LPIN2: variants seen among roughly 807,000 people sequenced by gnomAD.
LPIN2 encodes the protein phosphatidate phosphatase LPIN2.
A neutral mutation model predicts 111.4 loss-of-function variants in LPIN2; 55 were observed. The ratio of observed to expected loss-of-function variants is 0.49; its 90% confidence interval spans 0.40 to 0.62. LPIN2 has a LOEUF of 0.62. LPIN2 is among the 20% of genes least tolerant of loss of function. The pLI is 0.00. For synonymous variants in LPIN2, 425 were observed against 414.0 expected (o/e 1.03, Z -0.32); for missense variants, 992 against 1,112.1 (o/e 0.89, Z 1.54).
chr18:2,929,861 G>A (rs1598529866), intron 9 of LPIN2, among the ~76,000 whole-genome samples: 1 of 152,316 alleles, frequency 6.6e-6, no homozygotes, highest in African/African-American at 2.4e-5. Context: ...AGTGAGCTGA[G>A]ATGGTGCCAC....
chr18:2,964,282 C>CAAAAAAA (rs56276815), intron 1 of LPIN2, among the ~76,000 whole-genome samples: 85 of 56,380 alleles, frequency 1.5e-3, no homozygotes, highest in Middle Eastern at 0.012. Flanking sequence ...GACTCCGTCT[C>CAAAAAAA]AAAAAAAAAA....
chr18:2,946,097 C>A, intron 4 of LPIN2: 1 of 1,553,718 alleles, frequency 6.4e-7, no homozygotes. Context: ...TTAATTTCAT[C>A]ATTGTCTTCT....
intron 1 of LPIN2, among the ~76,000 whole-genome samples, chr18:3,009,799 T>TA (rs2143514036): frequency 6.6e-6 from 1 of 152,328 alleles, no homozygotes; most frequent in African/African-American, 2.4e-5. Flanking sequence ...ATCACCGAAA[T>TA]ACAACATTCA....
At chr18:3,002,568 T>G (rs1371300199) in intron 1 of LPIN2, among the ~76,000 whole-genome samples, 2 of 152,186 alleles carry the variant, frequency 1.3e-5, no homozygotes, top group Non-Finnish European at 2.9e-5. Context: ...GATGAAATGA[T>G]GGAAAAATCT....
chr18:3,004,640 A>C (rs549147322), intron 1 of LPIN2, among the ~76,000 whole-genome samples: 3 of 152,316 alleles, frequency 2.0e-5, no homozygotes, highest in East Asian at 3.9e-4. Context: ...TCCTTGAAGA[A>C]GGCACCATGT....
At chr18:2,994,934 C>A (rs923807008) in intron 1 of LPIN2, among the ~76,000 whole-genome samples, 1 of 152,166 alleles carries the variant, frequency 6.6e-6, no homozygotes, top group African/African-American at 2.4e-5. Flanking sequence ...CCGGCAAGCA[C>A]ATGACTTGGC....
chr18:2,932,884 C>T (rs2077231156), intron 8 of LPIN2, among the ~76,000 whole-genome samples: 1 of 152,224 alleles, frequency 6.6e-6, no homozygotes, highest in Admixed American at 6.5e-5. Context: ...TAAACACCAA[C>T]ACAGAGCATT....
intron 14 of LPIN2, 135 bp from the exon 15 acceptor site, chr18:2,924,681 A>C (rs1598522875): frequency 2.3e-6 from 2 of 869,378 alleles, no homozygotes. Flanking sequence ...GACACAGCCC[A>C]CCCTGTGCCC....
intron 3 of LPIN2, 28 bp downstream of exon 3, chr18:2,954,476 A>G (rs774537337): frequency 2.0e-6 from 3 of 1,530,072 alleles, no homozygotes; most frequent in Admixed American, 3.3e-5. Flanking sequence ...CACACTGTGT[A>G]AGGAGGGTGT....
In LPIN2 at chr18:2,925,255, T is replaced by C. The variant is rs758341329; in HGVS notation, c.1907A>G (p.Lys636Arg). 2 of 1,614,174 alleles carry C rather than the reference T, an allele frequency of 1.2e-6. No homozygotes were observed. The highest frequency in any genetic ancestry group is 1.7e-6 in the Non-Finnish European group (2 of 1,180,030). Residue 636 changes from lysine to arginine, a missense_variant, in exon 14 of 20, where the codon AAG becomes AGG. Around this residue, in one of 4 missense-constraint regions of LPIN2, gnomAD observed 709 missense variants for 753.2 expected, o/e 0.94. Transcript: ENST00000677752. This position sits in a 1 kb window ranked among gnomAD's most constrained non-coding sequence, Gnocchi z 4.1. ...PLSHGSTTSY[K>R]KSLRLSSDQI... The stretch of plus-strand genomic sequence containing the variant: ...GTCTGAGGAGAGGCGGAGAGACTTC[T>C]TATATGAAGTTGTGCTGCCGTGGCT...
In LPIN2 at chr18:2,984,262, T is replaced by C. The variant is rs187016963; in HGVS notation, c.-9-23413A>G. Among the ~76,000 whole-genome samples, 114 of 152,344 alleles carry C rather than the reference T, an allele frequency of 7.5e-4. 1 individual carries two copies. The highest frequency in any genetic ancestry group is 1.2e-3 in the Non-Finnish European group (80 of 68,024). On this transcript the variant is annotated intron_variant, in intron 1 of 19. Transcript: ENST00000677752. ...GCAGCATGTTTTCCTGCTTGCCTTCTAGCCCAGCATAGTATCGTGGACCTG... is the reference window on the plus strand; with the variant it reads ...GCAGCATGTTTTCCTGCTTGCCTTCCAGCCCAGCATAGTATCGTGGACCTG...
At chr18:2,971,456 G>A (rs1459793905) in intron 1 of LPIN2, among the ~76,000 whole-genome samples, 1 of 152,126 alleles carries the variant, frequency 6.6e-6, no homozygotes, top group Non-Finnish European at 1.5e-5. Context: ...CACCCACCAC[G>A]CGGCATGAAC....
intron 6 of LPIN2, 95 bp from the exon 7 acceptor site, chr18:2,938,132 C>T (rs767438892): frequency 8.3e-5 from 76 of 921,134 alleles, no homozygotes; most frequent in Non-Finnish European, 1.3e-4. Context: ...CTATTTTTAA[C>T]TTAACACATT....
At chr18:2,927,429 A>G (rs762265631) in intron 12 of LPIN2, among the ~76,000 whole-genome samples, 1 of 152,208 alleles carries the variant, frequency 6.6e-6, no homozygotes, top group Non-Finnish European at 1.5e-5. Flanking sequence ...CAGGCTCTGG[A>G]GTCAGACTCA....
chr18:2,920,916 G>C (rs778695460), intron 18 of LPIN2, 35 bp from the exon 19 acceptor site: 23 of 1,432,878 alleles, frequency 1.6e-5, no homozygotes, highest in Non-Finnish European at 2.0e-5. Flanking sequence ...TGATTCCAGG[G>C]AGGAGAATTC....
chr18:2,935,801 T>C (rs184358796), intron 7 of LPIN2, among the ~76,000 whole-genome samples: 7 of 152,048 alleles, frequency 4.6e-5, no homozygotes, highest in African/African-American at 1.7e-4. Flanking sequence ...TGGAGAGATG[T>C]AGGGAGAGAG....
chr18:3,011,565 T>C lies in LPIN2; in HGVS notation c.-10+1522A>G, dbSNP rs79931488. 0.099 allele frequency among the ~76,000 whole-genome samples: 15,097 copies of C among 152,236 alleles called. 1,143 individuals are homozygous for C. Among genetic ancestry groups the C allele is most frequent in the East Asian group, 0.39 (1,994 of 5,160 alleles). Reference sequence around the variant, plus strand: ...AGCTGAGTGTGGTGGCTCATGCCTGTAATCCCAGCTACTCGGGAGGCTGGG... The same window carrying C: ...AGCTGAGTGTGGTGGCTCATGCCTGCAATCCCAGCTACTCGGGAGGCTGGG... On this transcript the variant is annotated intron_variant, in intron 1 of 19. Coordinates refer to ENST00000677752, the MANE Select transcript of LPIN2 (RefSeq NM_001375808.2).
chr18:2,996,896 G>A (rs953505834), intron 1 of LPIN2, among the ~76,000 whole-genome samples: 5 of 152,164 alleles, frequency 3.3e-5, no homozygotes, highest in African/African-American at 1.2e-4. Context: ...CACCAAGTTT[G>A]CTATATTTGC....
chr18:3,005,264 C>T (rs1295787292), intron 1 of LPIN2, among the ~76,000 whole-genome samples: 7 of 150,438 alleles, frequency 4.7e-5, no homozygotes, highest in Admixed American at 1.3e-4. Flanking sequence ...GCAGGAGAAT[C>T]GTTTAAACCC....
Sources: gnomAD v4.1 joint callset for allele counts (sites outside exome capture counted in the v4.1 genomes callset) on GRCh38, gnomAD v4.1.1 for gene constraint, gnomAD v4.1.1 regional missense constraint, Gnocchi (gnomAD v3.1) non-coding constraint, MANE v1.5 for transcripts, NCBI Gene and HGNC (gene_info 2026-07-23, HGNC 2026-07-21) for gene names.